Variants in PLA2G4D observed in about 807,000 individuals in gnomAD.
PLA2G4D encodes phospholipase A2 group IVD, also known as cytosolic phospholipase A2 delta.
PLA2G4D carries 80 observed loss-of-function variants against 94.4 expected under a neutral mutation model. The ratio of observed to expected loss-of-function variants is 0.85; its 90% CI spans 0.71 to 1.02. The LOEUF is 1.02. Ranked by LOEUF, PLA2G4D falls within the 50% of genes least tolerant of loss-of-function variation. The probability of loss-of-function intolerance (pLI) is 0.00; values close to 1 mark genes in which losing one functional copy is unlikely to be tolerated. For synonymous variants in PLA2G4D, 438 were observed against 440.9 expected, an observed-to-expected ratio of 0.99 and a Z score of 0.08; for missense variants, 1,050 against 1,034.7, an observed-to-expected ratio of 1.01 and a Z score of -0.20.
At chr15:42,070,493 T>G in intron 18 of PLA2G4D, 2 of 581,378 alleles carry the variant, frequency 3.4e-6, no homozygotes, top group Non-Finnish European at 6.0e-6. Context: ...GGAGTAGGTG[T>G]GGGGAGGTCC....
At chr15:42,070,611 C>T in intron 18 of PLA2G4D, 106 bp downstream of exon 18, 3 of 1,334,540 alleles carry the variant, frequency 2.2e-6, no homozygotes, top group Non-Finnish European at 3.0e-6. Context: ...CCTCTCCTTC[C>T]CTTCGGGACC....
chr15:42,086,194 T>TGGGGGGGGGGGGGGGCCCCC lies in PLA2G4D; in HGVS notation c.387+18_387+19insGGGGGCCCCCCCCCCCCCCC. The stretch of plus-strand genomic sequence containing the variant: ...GGAAGAAGTGGGGCCCACGGGGACT[T>TGGGGGGGGGGGGGGGCCCCC]CCCCACCCACCCACCCACCTGGGGA... On this transcript the variant is annotated intron_variant, in intron 4 of 19. Coordinates refer to ENST00000290472, the MANE Select transcript of PLA2G4D (RefSeq NM_178034.4). 7.3e-7 allele frequency: 1 copy of TGGGGGGGGGGGGGGGCCCCC among 1,370,444 alleles called. No individual in the cohort carries two copies. Among genetic ancestry groups the TGGGGGGGGGGGGGGGCCCCC allele is most frequent in the Non-Finnish European group, 9.6e-7 (1 of 1,043,084 alleles). The allele number at this position is 1,370,444 out of a possible 1,614,324, so 84.9% of individuals were successfully genotyped here.
intron 1 of PLA2G4D, among the ~76,000 whole-genome samples, chr15:42,088,413 G>A (rs890515085): frequency 3.3e-5 from 5 of 152,204 alleles, no homozygotes; most frequent in Non-Finnish European, 5.9e-5. Flanking sequence ...AGAGTAGGTG[G>A]CAGGAGGGAA....
chr15:42,076,072 G>T (rs540861802), intron 13 of PLA2G4D, among the ~76,000 whole-genome samples: 12 of 152,342 alleles, frequency 7.9e-5, no homozygotes, highest in African/African-American at 2.9e-4. Context: ...ACTTTAGTCA[G>T]TGTGCTGTTG....
chr15:42,085,486 C>T lies in PLA2G4D; in HGVS notation c.428+5G>A, dbSNP rs777847330. 3 of 1,614,076 alleles carry T rather than the reference C, an allele frequency of 1.9e-6. No homozygotes were observed. The highest frequency in any genetic ancestry group is 2.5e-6 in the Non-Finnish European group (3 of 1,179,988). ...ACACTCCCTGGGCTGTGTGACATTA[C>T]TCACGTTTCTTCCATCAGGAACTCC... On this transcript the variant is annotated splice_donor_5th_base_variant and intron_variant, in intron 5 of 19. Coordinates refer to ENST00000290472, the MANE Select transcript of PLA2G4D (RefSeq NM_178034.4).
intron 9 of PLA2G4D, 35 bp from the exon 10 acceptor site, chr15:42,081,869 C>T (rs775659945): frequency 1.2e-6 from 2 of 1,613,844 alleles, no homozygotes; most frequent in South Asian, 2.2e-5. Flanking sequence ...CTCAGACCCT[C>T]CTAGACCCTA....
Position 42,068,144 on chromosome 15 carries a change from A to T in PLA2G4D, c.*571T>A, listed in dbSNP as rs1473530173. The T allele has an allele frequency of 6.6e-6, 1 of 152,424 alleles. No homozygotes were observed. The highest frequency in any genetic ancestry group is 1.5e-5 in the Non-Finnish European group (1 of 68,186). 9.4% of individuals were successfully genotyped at this position (152,424 alleles called of 1,614,324 possible). A position where few individuals can be genotyped will look rare whatever the true frequency, so the allele number is the denominator to read the frequency against. On this transcript the variant is annotated 3_prime_UTR_variant, in exon 20 of 20. Transcript: ENST00000290472. ...ATCCATTGTATTTCTATAAAATAGCAATGAATAATCTAAATGAAATTAAGA... is the reference window on the plus strand; with the variant it reads ...ATCCATTGTATTTCTATAAAATAGCTATGAATAATCTAAATGAAATTAAGA...
chr15:42,069,550 G>T (rs1419669165), intron 19 of PLA2G4D, among the ~76,000 whole-genome samples: 1 of 152,170 alleles, frequency 6.6e-6, no homozygotes, highest in Non-Finnish European at 1.5e-5. Flanking sequence ...TCCCTGAGAA[G>T]GGGCCCAGCC....
intron 1 of PLA2G4D, among the ~76,000 whole-genome samples, chr15:42,090,542 G>T (rs1019824981): frequency 6.6e-6 from 1 of 152,162 alleles, no homozygotes; most frequent in Non-Finnish European, 1.5e-5. Flanking sequence ...GAGCAGACCC[G>T]CCCTGTTCCC....
At chr15:42,091,558 C>T (rs1350990701) in intron 1 of PLA2G4D, among the ~76,000 whole-genome samples, 1 of 151,138 alleles carries the variant, frequency 6.6e-6, no homozygotes, top group African/African-American at 2.4e-5. Context: ...AAAACATCTG[C>T]TACTTAGCAG....
chr15:42,079,495 C>T, intron 13 of PLA2G4D, 42 bp downstream of exon 13: 2 of 1,539,910 alleles, frequency 1.3e-6, no homozygotes, highest in Admixed American at 2.0e-5. Flanking sequence ...TTCGCCCCCG[C>T]GGTGCACACA....
chr15:42,083,373 C>T (rs1390436731), intron 7 of PLA2G4D, 39 bp from the exon 8 acceptor site: 2 of 1,587,206 alleles, frequency 1.3e-6, no homozygotes, highest in Non-Finnish European at 1.7e-6. Context: ...AGAACAAGAG[C>T]CCGGAACCCC....
intron 7 of PLA2G4D, among the ~76,000 whole-genome samples, 172 bp from the exon 8 acceptor site, chr15:42,083,506 C>G (rs1890082225): frequency 6.6e-6 from 1 of 152,196 alleles, no homozygotes; most frequent in Non-Finnish European, 1.5e-5. Context: ...AACCCCCCAT[C>G]CCGGACTCCT....
chr15:42,076,268 T>C (rs536155289), intron 13 of PLA2G4D, among the ~76,000 whole-genome samples: 5 of 152,286 alleles, frequency 3.3e-5, no homozygotes, highest in Non-Finnish European at 7.3e-5. Context: ...AAAAACAAAA[T>C]TGGATCCCTA....
Position 42,079,436 on chromosome 15 carries a change from A to T in PLA2G4D, c.1317+101T>A, listed in dbSNP as rs1047693405. ...CAGACACTAAAACACTGGCTCTTCC[A>T]CGCTGCAAGAAATACGCACGCGCAT... On this transcript the variant is annotated intron_variant, in intron 13 of 19. Coordinates refer to ENST00000290472, the MANE Select transcript of PLA2G4D (RefSeq NM_178034.4). The T allele has an allele frequency of 1.5e-5, 18 of 1,179,910 alleles. No homozygotes were observed. The African/African-American group carries it at 2.2e-4, about 14-fold the overall frequency. 73.1% of individuals were successfully genotyped at this position (1,179,910 alleles called of 1,614,324 possible).
In PLA2G4D at chr15:42,085,129, G is replaced by A. The variant is rs750042460; in HGVS notation, c.438C>T (p.Arg146=). ...CTTTGTTGGTGATGAGGTTTTCTGGGCGATCTGACCTGGAAAAATCAAACC... is the reference window on the plus strand; with the variant it reads ...CTTTGTTGGTGATGAGGTTTTCTGGACGATCTGACCTGGAAAAATCAAACC... The part of the protein sequence containing the change: ...VEFLMEETSD[R]PENLITNKVI... The change falls in exon 6 of 20, where the codon CGC becomes CGT. Residue 146 remains arginine, a synonymous_variant. Coordinates refer to ENST00000290472, the MANE Select transcript of PLA2G4D (RefSeq NM_178034.4). 1 of 1,614,212 alleles carries A rather than the reference G, an allele frequency of 6.2e-7. No individual in the cohort carries two copies. The highest frequency in any genetic ancestry group is 1.1e-5 in the South Asian group (1 of 91,086).
rs934811320 is a variant in PLA2G4D at position 42,068,460 on chromosome 15, G to A, written c.*255C>T. On this transcript the variant is annotated 3_prime_UTR_variant, in exon 20 of 20. Transcript: ENST00000290472. Reference sequence around the variant, plus strand: ...GCTCAGGCATGGAAGTAATTGTGGTGTGAAAGTCTGTCTGGTTGGACCAGC... The same window carrying A: ...GCTCAGGCATGGAAGTAATTGTGGTATGAAAGTCTGTCTGGTTGGACCAGC... The A allele has an allele frequency of 5.8e-6, 3 of 517,740 alleles. No individual in the cohort carries two copies. Among genetic ancestry groups the A allele is most frequent in the Non-Finnish European group, 1.0e-5 (3 of 286,980 alleles). The allele number at this position is 517,740 out of a possible 1,614,324, so 32.1% of individuals were successfully genotyped here.
intron 13 of PLA2G4D, among the ~76,000 whole-genome samples, chr15:42,075,870 G>C (rs900965038): frequency 7.3e-6 from 1 of 136,802 alleles, no homozygotes; most frequent in African/African-American, 2.7e-5. Context: ...CTGGGTGACA[G>C]AGCAAGACTC....
intron 13 of PLA2G4D, among the ~76,000 whole-genome samples, chr15:42,077,390 C>G (rs2141096264): frequency 6.6e-6 from 1 of 152,318 alleles, no homozygotes; most frequent in East Asian, 1.9e-4. Flanking sequence ...CACCATTGAT[C>G]AAGTGGAATT....
Sources: allele counts gnomAD v4.1 joint callset (sites outside exome capture counted in the v4.1 genomes callset), GRCh38; gene constraint gnomAD v4.1.1; transcripts MANE v1.5; gene names NCBI Gene and HGNC (gene_info 2026-07-23, HGNC 2026-07-21).